MRPS27: variants seen among roughly 807,000 people sequenced by gnomAD.
MRPS27 encodes the protein mitochondrial ribosomal protein S27, also known as small ribosomal subunit protein mS27.
Under a neutral mutation model 48.9 loss-of-function variants are expected in MRPS27, and 43 were observed. That is an observed-to-expected ratio of 0.88 (90% CI 0.69 to 1.13). The LOEUF (loss-of-function observed/expected upper bound fraction) is 1.13. MRPS27 is among the 50% of genes most tolerant of loss of function. The pLI, the probability that MRPS27 is intolerant of heterozygous loss-of-function variation, is 0.00. For synonymous variants in MRPS27, 188 were observed against 171.9 expected (o/e 1.09, Z -0.73); for missense variants, 467 against 476.3 (o/e 0.98, Z 0.18).
intron 2 of MRPS27, among the ~76,000 whole-genome samples, chr5:72,312,153 A>G (rs1411438892): frequency 6.6e-6 from 1 of 152,164 alleles, no homozygotes; most frequent in Non-Finnish European, 1.5e-5. Flanking sequence ...TGACAATAAC[A>G]ACAACAAAAT....
intron 4 of MRPS27, among the ~76,000 whole-genome samples, chr5:72,273,198 A>G (rs1749291062): frequency 6.6e-6 from 1 of 152,202 alleles, no homozygotes; most frequent in Non-Finnish European, 1.5e-5. Flanking sequence ...ACCTGGCCCA[A>G]GTAAATATAT....
In MRPS27 at chr5:72,249,920, C is replaced by A. The variant is rs149447277; in HGVS notation, c.282-11792G>T. On this transcript the variant is annotated intron_variant, in intron 4 of 10. Coordinates refer to ENST00000261413, the MANE Select transcript of MRPS27 (RefSeq NM_015084.3). ...AATGGAGTGAACCTGGGAGGCGGAGCTTGCAGTAAGCTGAGATCACGCCAC... is the reference window on the plus strand; with the variant it reads ...AATGGAGTGAACCTGGGAGGCGGAGATTGCAGTAAGCTGAGATCACGCCAC... Among the ~76,000 whole-genome samples, 1,372 of 149,030 alleles carry A rather than the reference C, an allele frequency of 9.2e-3. 17 individuals are homozygous for A. The highest frequency in any genetic ancestry group is 0.033 in the African/African-American group (1,325 of 40,466).
chr5:72,284,264 AC>A (rs980683635), intron 4 of MRPS27, among the ~76,000 whole-genome samples: 4 of 150,194 alleles, frequency 2.7e-5, no homozygotes, highest in East Asian at 2.0e-4. Context: ...AAAAAAAAAA[AC>A]ACCACCAAAA....
chr5:72,297,059 G>A (rs892500816), intron 3 of MRPS27, among the ~76,000 whole-genome samples: 28 of 152,164 alleles, frequency 1.8e-4, no homozygotes, highest in Admixed American at 5.9e-4. Context: ...ACTTGGGAAA[G>A]TTATTAAACC....
At chr5:72,318,058 C>T (rs1417308836) in intron 1 of MRPS27, among the ~76,000 whole-genome samples, 2 of 152,186 alleles carry the variant, frequency 1.3e-5, no homozygotes, top group East Asian at 3.8e-4. Flanking sequence ...TGCTAAAAAT[C>T]TCCTAATATT....
chr5:72,266,308 C>T (rs1395104069), intron 4 of MRPS27, among the ~76,000 whole-genome samples: 9 of 152,142 alleles, frequency 5.9e-5, no homozygotes, highest in East Asian at 5.8e-4. Context: ...CCATCCGTAA[C>T]GTGGTGAAGT....
intron 10 of MRPS27, among the ~76,000 whole-genome samples, chr5:72,221,801 T>C (rs1160524110): frequency 3.3e-5 from 5 of 152,136 alleles, no homozygotes; most frequent in Admixed American, 2.0e-4. Flanking sequence ...CATTGGGTCT[T>C]AGGAACTCTA....
At chr5:72,238,575 A>T (rs752629417) in intron 4 of MRPS27, among the ~76,000 whole-genome samples, 1 of 152,212 alleles carries the variant, frequency 6.6e-6, no homozygotes, top group Non-Finnish European at 1.5e-5. Context: ...TAACAGTGAT[A>T]CTTCCTGTGG....
rs779918131 is a variant in MRPS27 at position 72,220,580 on chromosome 5, G to T, written c.*329C>A. The T allele has an allele frequency of 8.2e-6, 2 of 244,418 alleles. No homozygotes were observed. Among genetic ancestry groups the T allele is most frequent in the Non-Finnish European group, 7.8e-6 (1 of 128,246 alleles). 15.1% of individuals were successfully genotyped at this position (244,418 alleles called of 1,614,324 possible). ...GCTTCAACCTGACTCTTCAGCCTTG[G>T]TTTCTCCCAGTACTGTCACTGGGTC... On this transcript the variant is annotated 3_prime_UTR_variant, in exon 11 of 11. Coordinates refer to ENST00000261413, the MANE Select transcript of MRPS27 (RefSeq NM_015084.3).
intron 4 of MRPS27, among the ~76,000 whole-genome samples, chr5:72,277,473 G>A (rs534920527): frequency 8.3e-4 from 126 of 152,062 alleles, no homozygotes; most frequent in African/African-American, 2.7e-3. Context: ...GCATGGTGGC[G>A]CATGTCTGTA....
intron 1 of MRPS27, among the ~76,000 whole-genome samples, chr5:72,319,519 G>A (rs867031386): frequency 6.7e-6 from 1 of 150,338 alleles, no homozygotes; most frequent in South Asian, 2.1e-4. Flanking sequence ...CCCAGGAATG[G>A]ACACATTTAG....
intron 7 of MRPS27, 106 bp from the exon 8 acceptor site, chr5:72,228,474 A>T (rs1193308544): frequency 4.1e-6 from 3 of 727,186 alleles, no homozygotes; most frequent in Non-Finnish European, 6.8e-6. Flanking sequence ...AGCATTAAGT[A>T]AACAAAGAAG....
At chr5:72,229,179 C>T (rs930127504) in intron 7 of MRPS27, 2 of 152,206 alleles carry the variant, frequency 1.3e-5, no homozygotes, top group African/African-American at 4.8e-5. Flanking sequence ...GGCTTCAAAA[C>T]ATAGAACACT....
intron 4 of MRPS27, among the ~76,000 whole-genome samples, chr5:72,290,946 T>C (rs1749801445): frequency 6.6e-6 from 1 of 152,176 alleles, no homozygotes; most frequent in Non-Finnish European, 1.5e-5. Flanking sequence ...GCATGACTTC[T>C]TACCTCACCA....
intron 2 of MRPS27, among the ~76,000 whole-genome samples, chr5:72,304,121 A>G (rs571745516): frequency 6.6e-6 from 1 of 152,232 alleles, no homozygotes; most frequent in African/African-American, 2.4e-5. Context: ...GGTGTCCTAA[A>G]GGATAGTAGA....
chr5:72,249,496 C>G (rs1465451932), intron 4 of MRPS27, among the ~76,000 whole-genome samples: 1 of 151,176 alleles, frequency 6.6e-6, no homozygotes, highest in Non-Finnish European at 1.5e-5. Flanking sequence ...CCAGCCTGGC[C>G]AAAATGGTGA....
chr5:72,315,482 G>A (rs971737002), intron 1 of MRPS27, among the ~76,000 whole-genome samples: 4 of 151,478 alleles, frequency 2.6e-5, no homozygotes, highest in East Asian at 1.9e-4. Flanking sequence ...GACTGAGCCC[G>A]GGAGGCAGAG....
intron 4 of MRPS27, among the ~76,000 whole-genome samples, chr5:72,286,507 G>A (rs1749677437): frequency 6.6e-6 from 1 of 152,078 alleles, no homozygotes; most frequent in African/African-American, 2.4e-5. Context: ...TCAACAAGTG[G>A]TGCTGACACA....
intron 4 of MRPS27, among the ~76,000 whole-genome samples, chr5:72,261,515 G>GAA (rs547601548): frequency 6.2e-5 from 9 of 144,256 alleles, no homozygotes; most frequent in African/African-American, 1.8e-4. Flanking sequence ...AGACTCACAG[G>GAA]AAAAAAAAAA....
Sources: gnomAD v4.1 joint callset for allele counts (sites outside exome capture counted in the v4.1 genomes callset) on GRCh38, gnomAD v4.1.1 for gene constraint, MANE v1.5 for transcripts, NCBI Gene and HGNC (gene_info 2026-07-23, HGNC 2026-07-21) for gene names.